Variants in GRK7 observed in about 807,000 individuals in gnomAD.
GRK7 encodes the protein rhodopsin kinase GRK7.
Under a neutral mutation model 34.1 loss-of-function variants are expected in GRK7, and 24 were observed. That is an observed-to-expected ratio of 0.70 (90% CI 0.51 to 0.99). GRK7 has a LOEUF of 0.99. Among genes scored for constraint, GRK7 ranks in the 50% least tolerant of loss-of-function variants. The probability of loss-of-function intolerance (pLI) is 0.00; values close to 1 mark genes in which losing one functional copy is unlikely to be tolerated. For synonymous variants in GRK7, 256 were observed against 279.4 expected (o/e 0.92, Z 0.84); for missense variants, 644 against 707.3 (o/e 0.91, Z 1.02).
At chr3:141,753,434 A>G in the GRK7 span, among the ~76,000 whole-genome samples, 1 of 152,190 alleles carries the variant, frequency 6.6e-6, no homozygotes. Context: ...GTGGGGTGGA[A>G]GATGGTTTTG....
At chr3:141,803,735 C>T (rs773652787) in intron 4 of GRK7, among the ~76,000 whole-genome samples, 3 of 152,190 alleles carry the variant, frequency 2.0e-5, no homozygotes, top group Non-Finnish European at 2.9e-5. Flanking sequence ...TCTCTCCCCT[C>T]CCCCAAGACG....
Position 141,807,856 on chromosome 3 carries a change from A to C in GRK7, c.1262A>C (p.Glu421Ala), listed in dbSNP as rs764521169. 2.5e-6 allele frequency: 4 copies of C among 1,611,926 alleles called. No homozygotes were observed. Among genetic ancestry groups the C allele is most frequent in the Non-Finnish European group, 3.4e-6 (4 of 1,178,396 alleles). The change falls in exon 5 of 6, where the codon GAG becomes GCG. Residue 421 changes from glutamate (E) to alanine (A), a missense_variant. Coordinates refer to ENST00000682958, the MANE Select transcript of GRK7 (RefSeq NM_139209.3). ...EVKFQHDNFT[E>A]EAKDICRLFL... ...AAATTCCAGCATGATAACTTCACAG[A>C]GGAAGCAAAAGATATTTGCAGGCTC...
chr3:141,757,349 T>C, the GRK7 span, among the ~76,000 whole-genome samples: 3 of 139,906 alleles, frequency 2.1e-5, no homozygotes, highest in Non-Finnish European at 4.6e-5. Flanking sequence ...TTCCCCTTCA[T>C]GTGTCCATGT....
At chr3:141,785,575 C>G (rs2084692163) in intron 4 of GRK7, among the ~76,000 whole-genome samples, 1 of 152,058 alleles carries the variant, frequency 6.6e-6, no homozygotes, top group Non-Finnish European at 1.5e-5. Context: ...ACCAGCCTGG[C>G]CAACATGTTG....
chr3:141,806,065 A>T (rs1355090728), intron 4 of GRK7, among the ~76,000 whole-genome samples: 1 of 152,200 alleles, frequency 6.6e-6, no homozygotes, highest in Admixed American at 6.5e-5. Context: ...CTGGTTTATC[A>T]TCTTATTGAT....
At chr3:141,813,508 A>G (rs1274706159) in intron 5 of GRK7, among the ~76,000 whole-genome samples, 1 of 152,198 alleles carries the variant, frequency 6.6e-6, no homozygotes, top group Non-Finnish European at 1.5e-5. Context: ...AACCACACAG[A>G]CACTGGGGCA....
At chr3:141,791,483 C>A (rs1276061458) in intron 4 of GRK7, among the ~76,000 whole-genome samples, 1 of 152,140 alleles carries the variant, frequency 6.6e-6, no homozygotes, top group Non-Finnish European at 1.5e-5. Flanking sequence ...AGGATTACCA[C>A]CAGCATTGAC....
At position 141,807,731 on chromosome 3, in the gene GRK7, C is replaced by T; in HGVS notation, c.1137C>T (p.Cys379=). 1 of 1,613,842 alleles carries T rather than the reference C, an allele frequency of 6.2e-7. No individual in the cohort carries two copies. The highest frequency in any genetic ancestry group is 8.5e-7 in the Non-Finnish European group (1 of 1,179,740). ...CTGTGGACTGGTTTGCCATGGGATG[C>T]AGCATTTATGAAATGGTTGCTGGAC... The part of the protein sequence containing the change: ...SYPVDWFAMG[C]SIYEMVAGRT... Residue 379 remains cysteine, a synonymous_variant, in exon 5 of 6, where the codon TGC becomes TGT. Coordinates refer to ENST00000682958, the MANE Select transcript of GRK7 (RefSeq NM_139209.3).
At chr3:141,757,368 T>C in the GRK7 span, among the ~76,000 whole-genome samples, 4 of 142,860 alleles carry the variant, frequency 2.8e-5, no homozygotes, top group Non-Finnish European at 4.6e-5. Flanking sequence ...GTGATCTCAT[T>C]GTTCAATTCC....
chr3:141,780,427 G>T lies in GRK7; in HGVS notation c.666G>T (p.Leu222=), dbSNP rs147462832. 39 of 1,614,206 alleles carry T rather than the reference G, an allele frequency of 2.4e-5. No homozygotes were observed. The African/African-American group carries it at 3.6e-4, about 15-fold the overall frequency. Reference sequence around the variant, plus strand: ...GGAAGATGTATGCCTGTAAGAAACTGGACAAGAAGCGGCTGAAGAAGAAAG... The same window carrying T: ...GGAAGATGTATGCCTGTAAGAAACTTGACAAGAAGCGGCTGAAGAAGAAAG... The part of the protein sequence containing the change: ...NTGKMYACKK[L]DKKRLKKKGG... Residue 222 remains leucine, a synonymous_variant, in exon 4 of 6, where the codon CTG becomes CTT. Transcript: ENST00000682958.
chr3:141,796,038 A>G (rs368344690), intron 4 of GRK7, among the ~76,000 whole-genome samples: 1 of 152,216 alleles, frequency 6.6e-6, no homozygotes, highest in Non-Finnish European at 1.5e-5. Context: ...AGCTCAGAGC[A>G]TTCATTTAGA....
chr3:141,780,332 A>G (rs1425413726), intron 3 of GRK7, 42 bp from the exon 4 acceptor site: 1 of 1,545,628 alleles, frequency 6.5e-7, no homozygotes, highest in Admixed American at 1.8e-5. Context: ...CTGCAGTACC[A>G]TCTACTTCTA....
Position 141,809,609 on chromosome 3 carries a change from G to A in GRK7, c.1325+1690G>A, listed in dbSNP as rs540695050. Among the ~76,000 whole-genome samples the A allele has an allele frequency of 3.3e-5, 5 of 151,970 alleles. No individual in the cohort carries two copies. In the South Asian group the frequency reaches 1.0e-3, roughly 32 times the overall value. On this transcript the variant is annotated intron_variant, in intron 5 of 5. Transcript: ENST00000682958. ...GCTACTCAAGAGGCTGAGGTGGGAG[G>A]ATCACTTGAGCCCAGGAGCTCAAGG...
rs778069283 is a variant in GRK7, at chr3:141,780,507, C to T, written c.746C>T (p.Pro249Leu). ...GAAATCTTGGAGAAGGTCAGCAGCC[C>T]TTTCATTGTCTCTCTGGCCTATGCC... ...EKEILEKVSS[P>L]FIVSLAYAFE... The change falls in exon 4 of 6, where the codon CCT becomes CTT. Residue 249 changes from proline to leucine, a missense_variant. Physicochemically the swap from Pro to Leu is moderately conservative, Grantham distance 98. Coordinates refer to ENST00000682958, the MANE Select transcript of GRK7 (RefSeq NM_139209.3). The T allele has an allele frequency of 2.5e-6, 4 of 1,614,128 alleles. No individual in the cohort carries two copies. Among genetic ancestry groups the T allele is most frequent in the Non-Finnish European group, 3.4e-6 (4 of 1,180,052 alleles).
chr3:141,799,047 G>A (rs76155344), intron 4 of GRK7, among the ~76,000 whole-genome samples: 1,755 of 152,276 alleles, frequency 0.012, 31 homozygotes, highest in African/African-American at 0.04. Context: ...GCAGAGCATG[G>A]CCCAGGGTCT....
intron 5 of GRK7, among the ~76,000 whole-genome samples, chr3:141,810,612 G>A (rs182070086): frequency 2.6e-5 from 4 of 152,118 alleles, no homozygotes; most frequent in East Asian, 3.9e-4. Flanking sequence ...AGCCTCCCAG[G>A]TTCAAGCAAT....
intron 4 of GRK7, among the ~76,000 whole-genome samples, chr3:141,786,187 G>A (rs552236551): frequency 6.6e-6 from 1 of 152,268 alleles, no homozygotes; most frequent in East Asian, 1.9e-4. Flanking sequence ...GAGGAGGAAT[G>A]AGATTAGGTG....
intron 5 of GRK7, among the ~76,000 whole-genome samples, chr3:141,810,980 A>T (rs1198094209): frequency 1.3e-5 from 2 of 152,084 alleles, no homozygotes; most frequent in Non-Finnish European, 2.9e-5. Flanking sequence ...CCCTGAAGGG[A>T]ACAACACCCA....
the GRK7 span, among the ~76,000 whole-genome samples, chr3:141,755,872 A>G: frequency 6.6e-6 from 1 of 152,128 alleles, no homozygotes; most frequent in Non-Finnish European, 1.5e-5. Context: ...CATCCACACA[A>G]AGACTTACAA....
Sources: allele counts gnomAD v4.1 joint callset (sites outside exome capture counted in the v4.1 genomes callset), GRCh38; gene constraint gnomAD v4.1.1; transcripts MANE v1.5; gene names NCBI Gene and HGNC (gene_info 2026-07-23, HGNC 2026-07-21).